SNAP91: variants seen among roughly 807,000 people sequenced by gnomAD.
The protein encoded by SNAP91 is clathrin coat assembly protein AP180.
SNAP91 carries 27 observed loss-of-function variants against 100.3 expected under a neutral mutation model. That is an observed-to-expected ratio of 0.27 (90% CI 0.20 to 0.37). The LOEUF is 0.37. Among genes scored for constraint, SNAP91 ranks in the 10% least tolerant of loss-of-function variants. The pLI is 1.00. For missense variants in SNAP91, 986 were observed against 1,123.7 expected, an observed-to-expected ratio of 0.88 and a Z score of 1.75; for synonymous variants, 404 against 398.6, an observed-to-expected ratio of 1.01 and a Z score of -0.16.
chr6:83,658,471 T>C (rs775375803), intron 6 of SNAP91, among the ~76,000 whole-genome samples: 1 of 152,018 alleles, frequency 6.6e-6, no homozygotes, highest in Non-Finnish European at 1.5e-5. Context: ...TGGCCGGGCA[T>C]GGTGGCGGGC....
chr6:83,656,130 A>G (rs2098398801), intron 7 of SNAP91, among the ~76,000 whole-genome samples: 1 of 152,188 alleles, frequency 6.6e-6, no homozygotes, highest in Non-Finnish European at 1.5e-5. Context: ...CTGGATGATA[A>G]GGTACTTGAA....
upstream of SNAP91, chr6:83,709,203 C>T (rs539759291): frequency 3.9e-5 from 6 of 152,420 alleles, no homozygotes; most frequent in Non-Finnish European, 5.9e-5. Flanking sequence ...CTCGCGGCCC[C>T]CTCCCAGCTA....
At position 83,592,950 on chromosome 6, in the gene SNAP91, T is replaced by A; in HGVS notation, c.1842A>T (p.Leu614Phe). The A allele has an allele frequency of 1.9e-6, 3 of 1,579,920 alleles. No homozygotes were observed. The highest frequency in any genetic ancestry group is 1.7e-6 in the Non-Finnish European group (2 of 1,162,184). ...VPESSLTADLLSVDAFAAPSP... is the reference protein window; with the variant it reads ...VPESSLTADLFSVDAFAAPSP... ...TGACCTTGGCAAAGCACTCACCAGA[T>A]AAGAGGTCAGCAGTGAGAGAACTCT... The change falls in exon 20 of 30, where the codon TTA (leucine) becomes TTT (phenylalanine). Residue 614 changes from leucine to phenylalanine, a missense_variant. Leu to Phe is a conservative substitution (Grantham distance 22, BLOSUM62 0). Coordinates refer to ENST00000369694, the MANE Select transcript of SNAP91 (RefSeq NM_001242792.2).
intron 2 of SNAP91, among the ~76,000 whole-genome samples, chr6:83,688,576 T>C (rs992776224): frequency 1.3e-5 from 2 of 150,862 alleles, no homozygotes; most frequent in Non-Finnish European, 2.9e-5. Flanking sequence ...CAGTCTCGGC[T>C]CACTGCAGCC....
chr6:83,693,376 G>A (rs904521934), intron 2 of SNAP91, among the ~76,000 whole-genome samples: 6 of 152,126 alleles, frequency 3.9e-5, no homozygotes, highest in Admixed American at 2.0e-4. Context: ...TCTAAAGAGC[G>A]CCTTTATTTT....
chr6:83,571,327 T>C (rs989925067), intron 26 of SNAP91, among the ~76,000 whole-genome samples: 2 of 152,228 alleles, frequency 1.3e-5, no homozygotes, highest in African/African-American at 2.4e-5. Flanking sequence ...ATGGTCTCGA[T>C]CTTTTGACCT....
chr6:83,691,943 T>C (rs894826332), intron 2 of SNAP91, among the ~76,000 whole-genome samples: 3 of 152,222 alleles, frequency 2.0e-5, no homozygotes, highest in Non-Finnish European at 4.4e-5. Flanking sequence ...GTATAAGTTA[T>C]ATTTTGATAA....
intron 2 of SNAP91, among the ~76,000 whole-genome samples, chr6:83,680,901 A>G (rs1045985508): frequency 6.6e-6 from 1 of 152,146 alleles, no homozygotes; most frequent in African/African-American, 2.4e-5. Flanking sequence ...GGGCTGCAGT[A>G]GGACCCCGGG....
chr6:83,557,122 G>A (rs1025844979), intron 28 of SNAP91, among the ~76,000 whole-genome samples: 1 of 152,064 alleles, frequency 6.6e-6, no homozygotes, highest in Admixed American at 6.6e-5. Context: ...ATAACTTCTG[G>A]GAGCTGACTT....
rs368618570 is a variant in SNAP91, at chr6:83,565,969, G to T, written c.2443-5022C>A. Among the ~76,000 whole-genome samples, 11 of 152,138 alleles carry T rather than the reference G, an allele frequency of 7.2e-5. No individual in the cohort carries two copies. The East Asian group carries it at 1.9e-3, about 27-fold the overall frequency. On this transcript the variant is annotated intron_variant, in intron 26 of 29. Coordinates refer to ENST00000369694, the MANE Select transcript of SNAP91 (RefSeq NM_001242792.2). Reference sequence around the variant, plus strand: ...TCTATTCCTAGGTATATTCCAAATAGAACTGAGGATATACGCTCATATGGA... The same window carrying T: ...TCTATTCCTAGGTATATTCCAAATATAACTGAGGATATACGCTCATATGGA...
chr6:83,672,277 A>G (rs2098798558), intron 2 of SNAP91, among the ~76,000 whole-genome samples: 1 of 152,148 alleles, frequency 6.6e-6, no homozygotes. Flanking sequence ...ACCTTCAAAT[A>G]GAAGAGAGGC....
At chr6:83,605,489 C>A (rs1249638957) in intron 14 of SNAP91, among the ~76,000 whole-genome samples, 196 bp downstream of exon 14, 1 of 152,214 alleles carries the variant, frequency 6.6e-6, no homozygotes, top group African/African-American at 2.4e-5. Context: ...AACATTCTCA[C>A]TGTATTACAG....
At position 83,690,193 on chromosome 6, in the gene SNAP91, A is replaced by G. The variant is rs2099113474; in HGVS notation, c.130+17605T>C. 5 of 763,594 alleles carry G rather than the reference A, an allele frequency of 6.5e-6. No individual in the cohort carries two copies. In the African/African-American group the frequency reaches 7.5e-5, roughly 11 times the overall value. 47.3% of individuals were successfully genotyped at this position (763,594 alleles called of 1,614,324 possible). A position where few individuals can be genotyped will look rare whatever the true frequency, so the allele number is the denominator to read the frequency against. On this transcript the variant is annotated intron_variant, in intron 2 of 29. Coordinates refer to ENST00000369694, the MANE Select transcript of SNAP91 (RefSeq NM_001242792.2). ...TTACGAAAGCAATAACTTAATTTGA[A>G]TATTTGAATTTTTTTCAGGGAATAC...
In SNAP91 at chr6:83,623,309, G is replaced by T. The variant is rs749414698; in HGVS notation, c.799C>A (p.Leu267Ile). 6.2e-7 allele frequency: 1 copy of T among 1,607,658 alleles called. No homozygotes were observed. The highest frequency in any genetic ancestry group is 8.5e-7 in the Non-Finnish European group (1 of 1,176,138). ...CTGGGAGAGTTGCTTACCTGTGTGA[G>T]GTCAGGAATGTCACCTTTATCAATA... ...VGIDKGDIPD[L>I]TQAPSSLMET... Residue 267 changes from leucine (L) to isoleucine (I), a missense_variant, in exon 9 of 30, where the codon CTC becomes ATC. Around this residue, in one of 4 missense-constraint regions of SNAP91, gnomAD observed 330 missense variants for 447.5 expected, o/e 0.74. Transcript: ENST00000369694.
At chr6:83,578,132 T>G (rs1822356432) in intron 24 of SNAP91, among the ~76,000 whole-genome samples, 1 of 152,112 alleles carries the variant, frequency 6.6e-6, no homozygotes, top group African/African-American at 2.4e-5. Context: ...TGATGAACAT[T>G]AGGGTGGTCT....
intron 21 of SNAP91, 34 bp downstream of exon 21, chr6:83,592,421 A>AT (rs1228491947): frequency 1.4e-6 from 2 of 1,389,780 alleles, no homozygotes; most frequent in Non-Finnish European, 2.0e-6. Context: ...AGAAAAAAAG[A>AT]TTCCTTAAGT....
Position 83,656,736 on chromosome 6 carries a change from T to C in SNAP91, c.658+18A>G, listed in dbSNP as rs529724924. 4.2e-6 allele frequency: 5 copies of C among 1,193,862 alleles called. No individual in the cohort carries two copies. Among genetic ancestry groups the C allele is most frequent in the African/African-American group, 3.0e-5 (2 of 66,006 alleles). 74.0% of individuals were successfully genotyped at this position (1,193,862 alleles called of 1,614,324 possible). ...GTGTATCCCATCAGCCCAGACATGTTTCGGTTGTTCCACCTACCGAGTAAG... is the reference window on the plus strand; with the variant it reads ...GTGTATCCCATCAGCCCAGACATGTCTCGGTTGTTCCACCTACCGAGTAAG... On this transcript the variant is annotated intron_variant, in intron 7 of 29. Coordinates refer to ENST00000369694, the MANE Select transcript of SNAP91 (RefSeq NM_001242792.2).
chr6:83,601,513 G>A, intron 15 of SNAP91, 72 bp downstream of exon 15: 1 of 1,609,876 alleles, frequency 6.2e-7, no homozygotes. Context: ...GACTCCAAAT[G>A]ATCAAAATAA....
chr6:83,622,811 T>C (rs1302939476), intron 9 of SNAP91, among the ~76,000 whole-genome samples: 2 of 152,070 alleles, frequency 1.3e-5, no homozygotes, highest in East Asian at 3.8e-4. Flanking sequence ...TATTAGCTTA[T>C]TTTATACATG....
Sources: gnomAD v4.1 joint callset for allele counts (sites outside exome capture counted in the v4.1 genomes callset) on GRCh38, gnomAD v4.1.1 for gene constraint, gnomAD v4.1.1 regional missense constraint, MANE v1.5 for transcripts, NCBI Gene and HGNC (gene_info 2026-07-23, HGNC 2026-07-21) for gene names.